FHIP1A: variants seen among roughly 807,000 people sequenced by gnomAD.
FHIP1A encodes the protein FHF complex subunit HOOK interacting protein 1A, also known as FHF complex subunit HOOK-interacting protein 1A.
Under a neutral mutation model 88.6 loss-of-function variants are expected in FHIP1A, and 61 were observed. The ratio of observed to expected loss-of-function variants is 0.69; its 90% confidence interval spans 0.56 to 0.85. The LOEUF (loss-of-function observed/expected upper bound fraction) is 0.85, where lower values mean the gene tolerates loss of function less well. Among genes scored for constraint, FHIP1A ranks in the 40% least tolerant of loss-of-function variants. FHIP1A has a pLI of 0.00. For synonymous variants in FHIP1A, 478 were observed against 496.0 expected (o/e 0.96, Z 0.48); for missense variants, 1,154 against 1,273.5 (o/e 0.91, Z 1.43).
At chr4:151,534,395 A>C (rs1017192504) in intron 3 of FHIP1A, among the ~76,000 whole-genome samples, 1 of 152,200 alleles carries the variant, frequency 6.6e-6, no homozygotes, top group African/African-American at 2.4e-5. Flanking sequence ...TATTGCTCCT[A>C]TGAGGTAGTT....
At chr4:151,622,915 A>G (rs1735800703) in intron 7 of FHIP1A, among the ~76,000 whole-genome samples, 1 of 152,194 alleles carries the variant, frequency 6.6e-6, no homozygotes, top group African/African-American at 2.4e-5. Context: ...AATGGATCAT[A>G]TACTGCATTA....
At chr4:151,647,179 T>G (rs1578858843) in intron 10 of FHIP1A, among the ~76,000 whole-genome samples, 1 of 152,198 alleles carries the variant, frequency 6.6e-6, no homozygotes, top group South Asian at 2.1e-4. Flanking sequence ...ACTTGAAATT[T>G]GTGATATGAC....
In FHIP1A at chr4:151,523,236, T is replaced by A. The variant is rs1236054193; in HGVS notation, c.-123+40588T>A. Among the ~76,000 whole-genome samples the A allele has an allele frequency of 2.6e-5, 4 of 152,186 alleles. No homozygotes were observed. The East Asian group carries it at 7.7e-4, about 29-fold the overall frequency. Reference sequence around the variant, plus strand: ...GTAAATTAATGTATATTTCAGGGTTTTTTTTGGGCTTAACATTGTGGAGTG... The same window carrying A: ...GTAAATTAATGTATATTTCAGGGTTATTTTTGGGCTTAACATTGTGGAGTG... On this transcript the variant is annotated intron_variant, in intron 3 of 13. Transcript: ENST00000435205.
chr4:151,592,653 T>C (rs1029648256), intron 7 of FHIP1A, among the ~76,000 whole-genome samples: 11 of 152,230 alleles, frequency 7.2e-5, no homozygotes, highest in African/African-American at 2.4e-4. Flanking sequence ...TTGTAGATTC[T>C]GGATATTAGC....
chr4:151,428,609 C>G (rs995827208), intron 1 of FHIP1A, among the ~76,000 whole-genome samples: 1 of 152,122 alleles, frequency 6.6e-6, no homozygotes, highest in Admixed American at 6.6e-5. Context: ...ATTTTAAAAT[C>G]CTTTTGGGGC....
At chr4:151,633,540 A>T (rs1253788013) in intron 8 of FHIP1A, among the ~76,000 whole-genome samples, 1 of 151,988 alleles carries the variant, frequency 6.6e-6, no homozygotes, top group Admixed American at 6.6e-5. Flanking sequence ...ATGACTGTTG[A>T]TGCAAAAATC....
chr4:151,658,947 C>T (rs1016586408), intron 13 of FHIP1A, among the ~76,000 whole-genome samples: 97 of 152,164 alleles, frequency 6.4e-4, no homozygotes, highest in African/African-American at 2.2e-3. Flanking sequence ...CACTGACCAA[C>T]CTAGATATAC....
chr4:151,639,673 G>A (rs1219913513), intron 9 of FHIP1A, among the ~76,000 whole-genome samples: 1 of 152,284 alleles, frequency 6.6e-6, no homozygotes, highest in Middle Eastern at 3.4e-3. Flanking sequence ...CGGACCCAGA[G>A]AGAATGTGGC....
chr4:151,615,970 C>T (rs531524163), intron 7 of FHIP1A, among the ~76,000 whole-genome samples: 28 of 152,200 alleles, frequency 1.8e-4, no homozygotes, highest in African/African-American at 6.7e-4. Context: ...GACCCAACTA[C>T]AATTTAGAAT....
chr4:151,442,534 T>C (rs1728450488), intron 1 of FHIP1A, among the ~76,000 whole-genome samples: 1 of 152,172 alleles, frequency 6.6e-6, no homozygotes, highest in Non-Finnish European at 1.5e-5. Context: ...TCAGCATATT[T>C]ATACATGCCA....
At chr4:151,452,786 A>G (rs965260375) in intron 1 of FHIP1A, among the ~76,000 whole-genome samples, 17 of 152,112 alleles carry the variant, frequency 1.1e-4, no homozygotes, top group Non-Finnish European at 7.4e-5. Flanking sequence ...TCAAAAAAAA[A>G]AAAAGATACA....
chr4:151,587,381 A>C (rs1285857604), intron 6 of FHIP1A, among the ~76,000 whole-genome samples: 1 of 152,178 alleles, frequency 6.6e-6, no homozygotes, highest in Admixed American at 6.5e-5. Flanking sequence ...ACTGTTTTCA[A>C]TAAAAATCAG....
intron 2 of FHIP1A, among the ~76,000 whole-genome samples, chr4:151,477,724 A>T (rs984238393): frequency 6.6e-6 from 1 of 152,188 alleles, no homozygotes; most frequent in Non-Finnish European, 1.5e-5. Flanking sequence ...GCTTTTAAAC[A>T]TATGGAAAGA....
At chr4:151,438,745 G>T (rs1264768394) in intron 1 of FHIP1A, among the ~76,000 whole-genome samples, 2 of 151,452 alleles carry the variant, frequency 1.3e-5, no homozygotes, top group Non-Finnish European at 2.9e-5. Context: ...GGGCTCAAGT[G>T]ATCCTCCCAC....
In FHIP1A at chr4:151,669,944, G is replaced by A. The variant is rs1401166892; in HGVS notation, c.*7190G>A. The A allele has an allele frequency of 6.6e-6, 1 of 152,200 alleles. No homozygotes were observed. Among genetic ancestry groups the A allele is most frequent in the Non-Finnish European group, 1.5e-5 (1 of 68,058 alleles). 9.4% of individuals were successfully genotyped at this position (152,200 alleles called of 1,614,324 possible). A position where few individuals can be genotyped will look rare whatever the true frequency, so the allele number is the denominator to read the frequency against. ...AGGAAGCATGAGTCGCTGAATTGGTGATGGAGGGGTGTCCACTTTTTTCTA... is the reference window on the plus strand; with the variant it reads ...AGGAAGCATGAGTCGCTGAATTGGTAATGGAGGGGTGTCCACTTTTTTCTA... On this transcript the variant is annotated 3_prime_UTR_variant, in exon 14 of 14. Transcript: ENST00000435205.
intron 1 of FHIP1A, among the ~76,000 whole-genome samples, chr4:151,417,584 G>A (rs979698359): frequency 1.3e-5 from 2 of 152,098 alleles, no homozygotes; most frequent in African/African-American, 4.8e-5. Flanking sequence ...ATAGCCTCTG[G>A]TCCTTTTGTT....
chr4:151,421,484 T>C (rs1733163135), intron 1 of FHIP1A, among the ~76,000 whole-genome samples: 1 of 152,226 alleles, frequency 6.6e-6, no homozygotes, highest in Admixed American at 6.5e-5. Flanking sequence ...AAAAAAATTT[T>C]TTCAGTGGTT....
rs2126873002 is a variant in FHIP1A at position 151,626,868 on chromosome 4, AT to A, written c.979-2832del. 1.3e-5 allele frequency among the ~76,000 whole-genome samples: 2 copies of A among 152,334 alleles called. 1 individual carries two copies. Among genetic ancestry groups the A allele is most frequent in the African/African-American group, 4.8e-5 (2 of 41,588 alleles). On this transcript the variant is annotated intron_variant, in intron 7 of 13. Coordinates refer to ENST00000435205, the MANE Select transcript of FHIP1A (RefSeq NM_001109977.3). Reference sequence around the variant, plus strand: ...GCATTAGCAGAAGATTTCGTTTTACATTCTGCACAGCAGAGCATCTTTTCCC... The same window carrying A: ...GCATTAGCAGAAGATTTCGTTTTACATCTGCACAGCAGAGCATCTTTTCCC...
At chr4:151,583,944 A>G (rs1421804707) in intron 5 of FHIP1A, among the ~76,000 whole-genome samples, 8 of 151,976 alleles carry the variant, frequency 5.3e-5, no homozygotes, top group Non-Finnish European at 1.5e-5. Context: ...AAAAAGAGAT[A>G]AATGTACTGT....
Sources: allele counts gnomAD v4.1 joint callset (sites outside exome capture counted in the v4.1 genomes callset), GRCh38; gene constraint gnomAD v4.1.1; transcripts MANE v1.5; gene names NCBI Gene and HGNC (gene_info 2026-07-23, HGNC 2026-07-21).